Variants in ENPP6 observed in about 807,000 individuals in gnomAD.
ENPP6 encodes ectonucleotide pyrophosphatase/phosphodiesterase 6, also known as glycerophosphocholine cholinephosphodiesterase ENPP6.
A neutral mutation model predicts 42.0 loss-of-function variants in ENPP6; 32 were observed. The ratio of observed to expected loss-of-function variants is 0.76; its 90% CI spans 0.58 to 1.02. The LOEUF is 1.02. ENPP6 is among the 50% of genes least tolerant of loss of function. ENPP6 has a pLI of 0.00. For missense variants in ENPP6, 552 were observed against 566.8 expected, an observed-to-expected ratio of 0.97 and a Z score of 0.27; for synonymous variants, 213 against 216.0, an observed-to-expected ratio of 0.99 and a Z score of 0.12.
At chr4:184,120,202 C>T (rs1049043235) in intron 3 of ENPP6, among the ~76,000 whole-genome samples, 2 of 152,172 alleles carry the variant, frequency 1.3e-5, no homozygotes, top group Admixed American at 1.3e-4. Context: ...ATTCCTGCTC[C>T]TTCTTCCCTG....
intron 1 of ENPP6, among the ~76,000 whole-genome samples, chr4:184,161,929 T>C (rs1025364667): frequency 6.6e-6 from 1 of 152,144 alleles, no homozygotes; most frequent in Non-Finnish European, 1.5e-5. Context: ...TTGGGTACAG[T>C]GTACACTGCT....
At chr4:184,132,353 C>T (rs1433328189) in intron 2 of ENPP6, among the ~76,000 whole-genome samples, 1 of 151,776 alleles carries the variant, frequency 6.6e-6, no homozygotes, top group Non-Finnish European at 1.5e-5. Flanking sequence ...CATTGGGATA[C>T]CCAATTATGT....
At position 184,093,809 on chromosome 4, in the gene ENPP6, C is replaced by T. The variant is rs528029388; in HGVS notation, c.1118-2427G>A. Among the ~76,000 whole-genome samples, 6 of 152,034 alleles carry T rather than the reference C, an allele frequency of 3.9e-5. No homozygotes were observed. In the South Asian group the frequency reaches 6.2e-4, roughly 16 times the overall value. ...CCTATCCGAGGAATCAAGTGCAGCA[C>T]GAGAATCCAGTGGAATGGTTGTTCC... is the stretch of plus-strand genomic sequence containing the variant. On this transcript the variant is annotated intron_variant, in intron 7 of 7. Transcript: ENST00000296741.
intron 1 of ENPP6, among the ~76,000 whole-genome samples, chr4:184,156,831 T>C (rs978089252): frequency 2.6e-5 from 4 of 152,252 alleles, no homozygotes; most frequent in Admixed American, 2.6e-4. Flanking sequence ...TTCGACGTAG[T>C]GACCATCACA....
At chr4:184,149,356 A>T (rs904208059) in intron 2 of ENPP6, among the ~76,000 whole-genome samples, 3 of 152,208 alleles carry the variant, frequency 2.0e-5, no homozygotes, top group African/African-American at 7.2e-5. Flanking sequence ...TTCTTCACCA[A>T]TAGCCACTGC....
At chr4:184,159,129 A>T (rs771549830) in intron 1 of ENPP6, among the ~76,000 whole-genome samples, 3 of 152,220 alleles carry the variant, frequency 2.0e-5, no homozygotes, top group Admixed American at 1.3e-4. Context: ...CTCCGATTGT[A>T]TCATCAATAA....
At chr4:184,096,553 T>C (rs1488796307) in intron 7 of ENPP6, among the ~76,000 whole-genome samples, 1 of 152,130 alleles carries the variant, frequency 6.6e-6, no homozygotes, top group African/African-American at 2.4e-5. Context: ...ATCTTCAGAG[T>C]GTTTGGCAAA....
intron 1 of ENPP6, among the ~76,000 whole-genome samples, chr4:184,173,901 A>C (rs111517084): frequency 1.8e-4 from 27 of 152,254 alleles, no homozygotes; most frequent in African/African-American, 3.9e-4. Flanking sequence ...ATCCACAGTG[A>C]GTGAGGAGGT....
At chr4:184,126,484 G>A (rs113035325) in intron 2 of ENPP6, among the ~76,000 whole-genome samples, 13 of 152,230 alleles carry the variant, frequency 8.5e-5, no homozygotes, top group Middle Eastern at 3.4e-3. Context: ...GCAGCCTACC[G>A]TGGCTACCTA....
chr4:184,201,252 G>C (rs1279910076), intron 1 of ENPP6, among the ~76,000 whole-genome samples: 1 of 152,188 alleles, frequency 6.6e-6, no homozygotes, highest in East Asian at 1.9e-4. Context: ...TTAACCTGCT[G>C]AGTCAGGCTC....
chr4:184,123,211 A>T (rs1736447529), intron 3 of ENPP6, among the ~76,000 whole-genome samples: 1 of 151,978 alleles, frequency 6.6e-6, no homozygotes, highest in Non-Finnish European at 1.5e-5. Context: ...GGGCGTGGCA[A>T]GAAGAAAATC....
chr4:184,142,991 A>G (rs1341975966), intron 2 of ENPP6, among the ~76,000 whole-genome samples: 2 of 152,278 alleles, frequency 1.3e-5, no homozygotes, highest in East Asian at 3.9e-4. Flanking sequence ...TTTGTGTCTG[A>G]GGCACGTGCC....
chr4:184,188,223 A>T (rs1732664036), intron 1 of ENPP6, among the ~76,000 whole-genome samples: 2 of 152,170 alleles, frequency 1.3e-5, no homozygotes. Context: ...CAATTCTAGA[A>T]GTCCTGTCAG....
intron 1 of ENPP6, among the ~76,000 whole-genome samples, chr4:184,214,595 T>C (rs1327674241): frequency 6.6e-6 from 1 of 152,212 alleles, no homozygotes; most frequent in Non-Finnish European, 1.5e-5. Flanking sequence ...TGCCCATCAA[T>C]GATAGACTGG....
In ENPP6 at chr4:184,214,386, T is replaced by C. The variant is rs77392711; in HGVS notation, c.241+3193A>G. 1.4e-4 allele frequency among the ~76,000 whole-genome samples: 21 copies of C among 152,370 alleles called. No homozygotes were observed. The East Asian group carries it at 4.0e-3, about 29-fold the overall frequency. On this transcript the variant is annotated intron_variant, in intron 1 of 7. Transcript: ENST00000296741. Reference sequence around the variant, plus strand: ...TAAATAATCAGCCATGGTGGCTTCATGGCAGCAACTGGGCTAGATGGTTTC... The same window carrying C: ...TAAATAATCAGCCATGGTGGCTTCACGGCAGCAACTGGGCTAGATGGTTTC...
At chr4:184,143,010 T>G (rs1036949168) in intron 2 of ENPP6, among the ~76,000 whole-genome samples, 6 of 152,170 alleles carry the variant, frequency 3.9e-5, no homozygotes, top group African/African-American at 1.4e-4. Flanking sequence ...CCTCATGACC[T>G]TCTCAATCTT....
At chr4:184,097,683 T>C (rs1735935982) in intron 6 of ENPP6, among the ~76,000 whole-genome samples, 1 of 152,242 alleles carries the variant, frequency 6.6e-6, no homozygotes. Context: ...GTATCTGCGG[T>C]GTCATAAAAA....
In ENPP6 at chr4:184,216,090, T is replaced by C. The variant is rs568309099; in HGVS notation, c.241+1489A>G. Among the ~76,000 whole-genome samples, 90 of 152,328 alleles carry C rather than the reference T, an allele frequency of 5.9e-4. 1 individual carries two copies. The highest frequency in any genetic ancestry group is 5.3e-4 in the Non-Finnish European group (36 of 68,018). On this transcript the variant is annotated intron_variant, in intron 1 of 7. Transcript: ENST00000296741. ...TGCACGTGGCGTGGCAGTTTATGAATTGGGTCCCCTGGCAAGGCTCTGAAA... is the reference window on the plus strand; with the variant it reads ...TGCACGTGGCGTGGCAGTTTATGAACTGGGTCCCCTGGCAAGGCTCTGAAA...
chr4:184,093,307 G>C (rs1481457114), intron 7 of ENPP6, among the ~76,000 whole-genome samples: 1 of 152,112 alleles, frequency 6.6e-6, no homozygotes, highest in Non-Finnish European at 1.5e-5. Context: ...TGGAGGATAA[G>C]GGTCAGCTTC....
Sources: gnomAD v4.1 joint callset for allele counts (sites outside exome capture counted in the v4.1 genomes callset) on GRCh38, gnomAD v4.1.1 for gene constraint, MANE v1.5 for transcripts, NCBI Gene and HGNC (gene_info 2026-07-23, HGNC 2026-07-21) for gene names.